Variants in UBN1 observed in about 807,000 individuals in gnomAD.
UBN1 encodes ubinuclein 1, also known as ubinuclein-1.
In UBN1, 17 loss-of-function variants were observed where a neutral mutation model predicts 108.5. The observed-to-expected ratio is 0.16, with a 90% confidence interval of 0.11 to 0.24. The LOEUF (loss-of-function observed/expected upper bound fraction) is 0.24, where lower values mean the gene tolerates loss of function less well. Among genes scored for constraint, UBN1 ranks in the 10% least tolerant of loss-of-function variants. The pLI is 1.00. For missense variants in UBN1, 1,595 were observed against 1,394.4 expected (o/e 1.14, Z -2.29); for synonymous variants, 726 against 564.2 (o/e 1.29, Z -4.07).
At chr16:4,868,721 G>A in intron 7 of UBN1, 112 bp from the exon 8 acceptor site, 1 of 957,264 alleles carries the variant, frequency 1.0e-6, no homozygotes. Flanking sequence ...GTGGCGGTGT[G>A]ACTGTATTGA....
intron 8 of UBN1, 44 bp from the exon 9 acceptor site, chr16:4,870,168 T>G (rs189636912): frequency 8.1e-6 from 13 of 1,611,956 alleles, no homozygotes; most frequent in Middle Eastern, 1.6e-4. Flanking sequence ...AAGACAGGAG[T>G]TGCAGTGAGC....
chr16:4,856,492 A>G (rs2086817107), intron 2 of UBN1, among the ~76,000 whole-genome samples: 1 of 152,208 alleles, frequency 6.6e-6, no homozygotes, highest in Non-Finnish European at 1.5e-5. Flanking sequence ...CTCAAAACAA[A>G]CATCCTATAG....
intron 2 of UBN1, among the ~76,000 whole-genome samples, chr16:4,856,357 T>G (rs1455139596): frequency 1.3e-5 from 2 of 152,204 alleles, no homozygotes; most frequent in Non-Finnish European, 2.9e-5. Context: ...CTCTGCAGTG[T>G]TAAAAATACA....
Position 4,847,575 on chromosome 16 carries a change from G to C in UBN1, c.-675G>C. 1 of 389,632 alleles carries C rather than the reference G, an allele frequency of 2.6e-6. No individual in the cohort carries two copies. Among genetic ancestry groups the C allele is most frequent in the Non-Finnish European group, 4.6e-6 (1 of 217,012 alleles). The allele number at this position is 389,632 out of a possible 1,614,324, so 24.1% of individuals were successfully genotyped here. ...GGTGCGACCGGCTGAGCGCGAGAGG[G>C]AGCCGGCCTCGCGGCTCGCCCCGCC... On this transcript the variant is annotated 5_prime_UTR_variant, in exon 1 of 18. Transcript: ENST00000262376.
chr16:4,878,611 C>T (rs186794426), intron 17 of UBN1, among the ~76,000 whole-genome samples: 97 of 152,358 alleles, frequency 6.4e-4, no homozygotes, highest in Non-Finnish European at 1.2e-3. Context: ...GCAGTGACTT[C>T]TCTACAGACT....
intron 2 of UBN1, among the ~76,000 whole-genome samples, chr16:4,855,129 C>T (rs1226776096): frequency 6.6e-6 from 1 of 152,098 alleles, no homozygotes; most frequent in African/African-American, 2.4e-5. Context: ...TAGCATGTCT[C>T]TTAGTGAAAT....
chr16:4,868,958 G>A (rs1596508149), intron 8 of UBN1, 55 bp downstream of exon 8: 4 of 1,599,978 alleles, frequency 2.5e-6, no homozygotes, highest in Non-Finnish European at 3.4e-6. Context: ...TACTGAGCTT[G>A]GGGCAAGCCA....
At chr16:4,859,639 G>C (rs2086968679) in intron 5 of UBN1, among the ~76,000 whole-genome samples, 1 of 152,232 alleles carries the variant, frequency 6.6e-6, no homozygotes, top group Non-Finnish European at 1.5e-5. Flanking sequence ...AAGGTTTCAG[G>C]CTCCAGAATG....
At chr16:4,859,650 G>C (rs894687949) in intron 5 of UBN1, among the ~76,000 whole-genome samples, 1 of 152,218 alleles carries the variant, frequency 6.6e-6, no homozygotes, top group Non-Finnish European at 1.5e-5. Context: ...CTCCAGAATG[G>C]TCACTGTTGT....
At chr16:4,865,167 A>ATG (rs1173997962) in intron 7 of UBN1, among the ~76,000 whole-genome samples, 4 of 151,742 alleles carry the variant, frequency 2.6e-5, no homozygotes, top group African/African-American at 9.8e-5. Context: ...TTGGAAGACT[A>ATG]TCAGATATAT....
At chr16:4,878,412 G>A (rs1283017165) in intron 17 of UBN1, among the ~76,000 whole-genome samples, 4 of 152,156 alleles carry the variant, frequency 2.6e-5, no homozygotes, top group Admixed American at 6.5e-5. Context: ...TGTGCTGCAC[G>A]TCTCCCAAGT....
intron 4 of UBN1, 60 bp downstream of exon 4, chr16:4,858,723 T>C: frequency 6.5e-7 from 1 of 1,528,900 alleles, no homozygotes; most frequent in Non-Finnish European, 9.1e-7. Flanking sequence ...CTCCTGATAC[T>C]GACCAGGAAG....
rs1341062799 is a variant in UBN1, at chr16:4,870,390, G to C, written c.1311+49G>C. 5.0e-6 allele frequency: 8 copies of C among 1,611,486 alleles called. 1 individual carries two copies. In the South Asian group the frequency reaches 8.8e-5, roughly 18 times the overall value. ...CTTTGGCTTTGGGGTCCTGGCGGAG[G>C]GGTGACTGAGTCTTAAGCAATGATG... On this transcript the variant is annotated intron_variant, in intron 9 of 17. Transcript: ENST00000262376.
In UBN1 at chr16:4,859,053, C is replaced by G; in HGVS notation, c.461C>G (p.Thr154Ser). ...AYDELVPASLTTKYGGFYINS... is the reference protein window; with the variant it reads ...AYDELVPASLSTKYGGFYINS... ...GATGAGCTTGTTCCTGCTTCTTTGA[C>G]TACGAAGTATGGAGGATTTTACATT... Residue 154 changes from threonine to serine, a missense_variant, in exon 5 of 18, where the codon ACT (threonine) becomes AGT (serine). This residue lies in a region of UBN1 where 16 missense variants were observed against 42.4 expected (regional missense o/e 0.38). Transcript: ENST00000262376. The G allele has an allele frequency of 2.5e-6, 4 of 1,614,074 alleles. No homozygotes were observed. The highest frequency in any genetic ancestry group is 3.4e-6 in the Non-Finnish European group (4 of 1,180,006).
At chr16:4,849,629 T>C (rs1000905169) in intron 1 of UBN1, among the ~76,000 whole-genome samples, 1 of 151,704 alleles carries the variant, frequency 6.6e-6, no homozygotes, top group African/African-American at 2.4e-5. Context: ...TTCACTCTTG[T>C]CGCCCAGGCT....
In UBN1 at chr16:4,850,240, C is replaced by T. The variant is rs1386696026; in HGVS notation, c.-40+2030C>T. Among the ~76,000 whole-genome samples the T allele has an allele frequency of 2.6e-5, 4 of 152,078 alleles. No individual in the cohort carries two copies. The South Asian group carries it at 8.3e-4, about 32-fold the overall frequency. ...AGAGTACAGATTTGACTCACTTTAT[C>T]CTGTAGTCCTATTTTTTACCTTCTT... On this transcript the variant is annotated intron_variant, in intron 1 of 17. Coordinates refer to ENST00000262376, the MANE Select transcript of UBN1 (RefSeq NM_001079514.3).
chr16:4,859,433 G>T (rs1023721276), intron 5 of UBN1, among the ~76,000 whole-genome samples: 2 of 152,208 alleles, frequency 1.3e-5, no homozygotes, highest in Non-Finnish European at 2.9e-5. Flanking sequence ...GCCTCAGGGT[G>T]GGAAGGCTGT....
At chr16:4,849,120 GA>G (rs200216557) in intron 1 of UBN1, among the ~76,000 whole-genome samples, 1 of 151,168 alleles carries the variant, frequency 6.6e-6, no homozygotes, top group East Asian at 1.9e-4. Context: ...AAAGAAAAAA[GA>G]AAAAAAAATC....
At position 4,870,249 on chromosome 16, in the gene UBN1, C is replaced by A. The variant is rs778646975; in HGVS notation, c.1219C>A (p.Arg407Ser). 1 of 1,614,242 alleles carries A rather than the reference C, an allele frequency of 6.2e-7. No homozygotes were observed. The highest frequency in any genetic ancestry group is 1.7e-5 in the Admixed American group (1 of 60,028). The change falls in exon 9 of 18, where the codon CGC becomes AGC. Residue 407 changes from arginine to serine, a missense_variant. Physicochemically the swap from Arg to Ser is moderately radical, Grantham distance 110. Coordinates refer to ENST00000262376, the MANE Select transcript of UBN1 (RefSeq NM_001079514.3). ...GACTCGGGAGCTGAGCAGTCAGGTC[C>A]GCTCTGGGGTGTATGCCTATCTTGC... ...AQTRELSSQVRSGVYAYLASF... is the reference protein window; with the variant it reads ...AQTRELSSQVSSGVYAYLASF...
Sources: allele counts gnomAD v4.1 joint callset (sites outside exome capture counted in the v4.1 genomes callset), GRCh38; gene constraint gnomAD v4.1.1; regional missense constraint gnomAD v4.1.1; transcripts MANE v1.5; gene names NCBI Gene and HGNC (gene_info 2026-07-23, HGNC 2026-07-21).